The following MEIG1 variants were observed in gnomAD, a reference collection of about 807,000 sequenced individuals.
The protein encoded by MEIG1 is meiosis expressed gene 1 protein homolog.
A neutral mutation model predicts 11.3 loss-of-function variants in MEIG1; 12 were observed. The observed-to-expected ratio is 1.07, with a 90% CI of 0.68 to 1.73. MEIG1 has a LOEUF of 1.73. MEIG1 is among the 40% of genes most tolerant of loss of function. The probability of loss-of-function intolerance (pLI) is 0.00; values close to 1 mark genes in which losing one functional copy is unlikely to be tolerated. For missense variants in MEIG1, 119 were observed against 104.9 expected, an observed-to-expected ratio of 1.13 and a Z score of -0.59; for synonymous variants, 41 against 33.2, an observed-to-expected ratio of 1.24 and a Z score of -0.81.
chr10:14,966,494 A>C lies in MEIG1; in HGVS notation c.26A>C (p.Lys9Thr), dbSNP rs4750568. 0.67 allele frequency: 1,075,873 copies of C among 1,607,570 alleles called. 362,486 individuals carry two copies. Among genetic ancestry groups the C allele is most frequent in the Admixed American group, 0.71 (41,882 of 59,052 alleles). MASSDVKP[K>T]SVSHAKKWSE... ...ATGGCTAGTTCTGACGTAAAACCAA[A>C]ATCAGTAAGTCATGCCAAAAAATGG... Residue 9 changes from lysine (K) to threonine (T), a missense_variant, in exon 2 of 3, where the codon AAA (lysine) becomes ACA (threonine). Coordinates refer to ENST00000407572, the MANE Select transcript of MEIG1 (RefSeq NM_001080836.3).
chr10:14,972,982 C>T (rs1302033937), downstream of MEIG1: 2 of 207,030 alleles, frequency 9.7e-6, no homozygotes, highest in Non-Finnish European at 2.0e-5. Context: ...TCTCATGCCT[C>T]AGCCTCCCAA....
At chr10:14,985,025 C>T (rs191984569) in intron 1 of MEIG1, among the ~76,000 whole-genome samples, 107 of 151,972 alleles carry the variant, frequency 7.0e-4, no homozygotes, top group African/African-American at 2.5e-3. Context: ...TGATATTATT[C>T]GTATTGTCTT....
At chr10:14,954,279 G>C in the MEIG1 span, 1 of 563,594 alleles carries the variant, frequency 1.8e-6, no homozygotes, top group Admixed American at 3.1e-5. Context: ...GCTCATTCCC[G>C]CCCAACAAAC....
chr10:14,987,405 G>A (rs1843330484), intron 2 of MEIG1: 4 of 740,422 alleles, frequency 5.4e-6, no homozygotes, highest in South Asian at 2.9e-5. Context: ...AGTCCCAGGA[G>A]GAGGAATTCT....
At chr10:14,955,756 C>T (rs7068952), upstream of MEIG1, among the ~76,000 whole-genome samples, 814 of 152,264 alleles carry the variant, frequency 5.3e-3, 12 homozygotes, top group African/African-American at 0.019. Context: ...TGCCTGTAGC[C>T]ATGATACTCA....
chr10:14,964,096 C>CAAA (rs370368866), intron 1 of MEIG1, among the ~76,000 whole-genome samples: 161 of 117,798 alleles, frequency 1.4e-3, no homozygotes, highest in Middle Eastern at 8.6e-3. Context: ...GACTCCGTCT[C>CAAA]AAAAAAAAAA....
intron 2 of MEIG1, chr10:14,987,634 C>T (rs1447541291): frequency 4.1e-6 from 2 of 491,748 alleles, no homozygotes; most frequent in Admixed American, 3.3e-5. Context: ...TTTAGCTATA[C>T]GAGGCTTTCT....
chr10:14,976,222 A>C (rs938940310), downstream of MEIG1, among the ~76,000 whole-genome samples: 17 of 152,160 alleles, frequency 1.1e-4, no homozygotes, highest in Admixed American at 2.0e-4. Flanking sequence ...TCCATATTCT[A>C]GCAAGATGCC....
chr10:14,972,078 C>T (rs1236378521), intron 2 of MEIG1, among the ~76,000 whole-genome samples: 1 of 151,626 alleles, frequency 6.6e-6, no homozygotes, highest in African/African-American at 2.4e-5. Context: ...GCAGTGGCGC[C>T]ATCTAGAGTC....
chr10:14,973,769 C>A (rs370590509), downstream of MEIG1, among the ~76,000 whole-genome samples: 527 of 90,130 alleles, frequency 5.8e-3, no homozygotes, highest in East Asian at 7.2e-3. Flanking sequence ...GACTCCATCT[C>A]AAAAAAAAAA....
At chr10:14,969,524 C>T (rs528587103) in intron 2 of MEIG1, among the ~76,000 whole-genome samples, 2 of 151,976 alleles carry the variant, frequency 1.3e-5, no homozygotes, top group Admixed American at 6.6e-5. Context: ...GTTTGAAGTG[C>T]CTGACATTAT....
chr10:14,981,048 C>A (rs752787603), intron 1 of MEIG1, among the ~76,000 whole-genome samples: 1 of 152,086 alleles, frequency 6.6e-6, no homozygotes, highest in Non-Finnish European at 1.5e-5. Flanking sequence ...TGGCGAATGA[C>A]AAGGAAGTAT....
intron 1 of MEIG1, among the ~76,000 whole-genome samples, chr10:14,980,784 C>G (rs1404156245): frequency 6.6e-6 from 1 of 152,146 alleles, no homozygotes; most frequent in East Asian, 1.9e-4. Flanking sequence ...AGTAGTGACA[C>G]CTGACTCCGG....
intron 2 of MEIG1, among the ~76,000 whole-genome samples, chr10:14,967,404 C>A (rs1322230173): frequency 6.6e-6 from 1 of 152,072 alleles, no homozygotes; most frequent in Non-Finnish European, 1.5e-5. Flanking sequence ...AGGGTAGAGA[C>A]CTAGCTTTGC....
downstream of MEIG1, among the ~76,000 whole-genome samples, chr10:14,977,788 A>G (rs189748532): frequency 2.2e-4 from 33 of 152,030 alleles, 1 homozygote; most frequent in South Asian, 4.1e-4. Context: ...TGCTAATAAC[A>G]CAGTGGGTGT....
chr10:14,978,561 T>A (rs1376207394), intron 1 of MEIG1, among the ~76,000 whole-genome samples: 4 of 152,010 alleles, frequency 2.6e-5, no homozygotes, highest in Non-Finnish European at 5.9e-5. Flanking sequence ...ACAATGCATG[T>A]ACACCTTGTG....
intron 1 of MEIG1, among the ~76,000 whole-genome samples, chr10:14,963,042 G>C (rs1370471461): frequency 2.2e-5 from 2 of 89,456 alleles, no homozygotes; most frequent in African/African-American, 7.3e-5. Flanking sequence ...GATTACAGGC[G>C]TGAGCCACCG....
chr10:14,981,654 G>C (rs1589215472), intron 1 of MEIG1, among the ~76,000 whole-genome samples: 1 of 152,186 alleles, frequency 6.6e-6, no homozygotes, highest in East Asian at 1.9e-4. Flanking sequence ...GTCTCCCTCA[G>C]TCCAATAACC....
At chr10:14,954,686 C>T (rs1418300475), upstream of MEIG1, among the ~76,000 whole-genome samples, 1 of 152,046 alleles carries the variant, frequency 6.6e-6, no homozygotes, top group Non-Finnish European at 1.5e-5. Context: ...CTCCCCTGGG[C>T]CCCCACCTTT....
Sources: gnomAD v4.1 joint callset for allele counts (sites outside exome capture counted in the v4.1 genomes callset) on GRCh38, gnomAD v4.1.1 for gene constraint, MANE v1.5 for transcripts, NCBI Gene and HGNC (gene_info 2026-07-23, HGNC 2026-07-21) for gene names.